FAM210A: variants seen among roughly 807,000 people sequenced by gnomAD.
FAM210A encodes the protein family with sequence similarity 210 member A.
In FAM210A, 13 loss-of-function variants were observed where a neutral mutation model predicts 25.3. The ratio of observed to expected loss-of-function variants is 0.51; its 90% CI spans 0.33 to 0.82. FAM210A has a LOEUF of 0.82. Ranked by LOEUF, FAM210A falls within the 40% of genes least tolerant of loss-of-function variation. The probability of loss-of-function intolerance (pLI) is 0.02; values close to 1 mark genes in which losing one functional copy is unlikely to be tolerated. For synonymous variants in FAM210A, 125 were observed against 118.7 expected (o/e 1.05, Z -0.35); for missense variants, 319 against 323.2 (o/e 0.99, Z 0.10).
intron 2 of FAM210A, among the ~76,000 whole-genome samples, chr18:13,680,557 A>G (rs2043544163): frequency 6.6e-6 from 1 of 152,238 alleles, no homozygotes; most frequent in South Asian, 2.1e-4. Flanking sequence ...CTATTCCATC[A>G]TCCTGGAAGA....
At chr18:13,685,642 T>A (rs1247167356) in intron 1 of FAM210A, among the ~76,000 whole-genome samples, 2 of 152,184 alleles carry the variant, frequency 1.3e-5, no homozygotes, top group East Asian at 3.8e-4. Flanking sequence ...TTGTCCTGCT[T>A]TTCTAGGTGG....
intron 1 of FAM210A, among the ~76,000 whole-genome samples, chr18:13,689,735 T>C (rs2043626871): frequency 6.6e-6 from 1 of 152,216 alleles, no homozygotes; most frequent in Non-Finnish European, 1.5e-5. Flanking sequence ...TTGCATATGA[T>C]ATGATTGTTT....
chr18:13,709,240 C>T (rs1177617139), intron 1 of FAM210A, among the ~76,000 whole-genome samples: 1 of 152,160 alleles, frequency 6.6e-6, no homozygotes, highest in Non-Finnish European at 1.5e-5. Flanking sequence ...TGAGTAACAG[C>T]CGAAGTCCTT....
At chr18:13,715,234 G>C (rs1725330929) in intron 1 of FAM210A, 1 of 152,108 alleles carries the variant, frequency 6.6e-6, no homozygotes. Context: ...AGGCACTCTG[G>C]TGGTCCTCTG....
intron 1 of FAM210A, among the ~76,000 whole-genome samples, chr18:13,722,810 C>T (rs374173028): frequency 9.2e-5 from 14 of 151,356 alleles, no homozygotes; most frequent in South Asian, 2.1e-4. Context: ...GAGCTTCAAT[C>T]GGGAATTTGA....
intron 1 of FAM210A, among the ~76,000 whole-genome samples, chr18:13,705,836 A>C (rs1374563351): frequency 6.6e-6 from 1 of 152,232 alleles, no homozygotes; most frequent in Admixed American, 6.5e-5. Flanking sequence ...AGACCATGAA[A>C]GCTTCAGGTA....
chr18:13,671,710 T>G, intron 3 of FAM210A, 152 bp downstream of exon 3: 1 of 347,272 alleles, frequency 2.9e-6, no homozygotes, highest in East Asian at 4.7e-5. Flanking sequence ...AAAAAAAAAA[T>G]TATCTTACAT....
At chr18:13,720,317 C>CAGTT (rs1291473731) in intron 1 of FAM210A, among the ~76,000 whole-genome samples, 1 of 152,164 alleles carries the variant, frequency 6.6e-6, no homozygotes, top group Admixed American at 6.5e-5. Flanking sequence ...GCACAGCAGC[C>CAGTT]TGTACCTGTT....
At chr18:13,689,138 C>T (rs1282334436) in intron 1 of FAM210A, among the ~76,000 whole-genome samples, 2 of 152,200 alleles carry the variant, frequency 1.3e-5, no homozygotes, top group Non-Finnish European at 1.5e-5. Context: ...AGAGGTTCAC[C>T]TTATCTTGTG....
At chr18:13,683,714 C>T (rs946128266) in intron 1 of FAM210A, among the ~76,000 whole-genome samples, 3 of 152,108 alleles carry the variant, frequency 2.0e-5, no homozygotes, top group Non-Finnish European at 4.4e-5. Flanking sequence ...TGGTACCACA[C>T]ATGCCTTCCC....
At chr18:13,682,840 G>C (rs1383382701) in intron 1 of FAM210A, among the ~76,000 whole-genome samples, 1 of 152,178 alleles carries the variant, frequency 6.6e-6, no homozygotes, top group African/African-American at 2.4e-5. Flanking sequence ...CTGTACTCCA[G>C]CCTGGGGGAC....
At chr18:13,702,634 T>C (rs1172882344) in intron 1 of FAM210A, among the ~76,000 whole-genome samples, 2 of 152,222 alleles carry the variant, frequency 1.3e-5, no homozygotes, top group Non-Finnish European at 2.9e-5. Context: ...TAAAAGCCTT[T>C]GCAAGCTCAA....
chr18:13,725,879 G>T (rs1217236819), intron 1 of FAM210A, among the ~76,000 whole-genome samples: 1 of 152,174 alleles, frequency 6.6e-6, no homozygotes, highest in Non-Finnish European at 1.5e-5. Context: ...CCTTTTCTCA[G>T]AATCTAACAG....
rs181824815 is a variant in FAM210A at position 13,709,815 on chromosome 18, A to T, written c.-29+16514T>A. Among the ~76,000 whole-genome samples the T allele has an allele frequency of 1.7e-4, 26 of 152,294 alleles. No individual in the cohort carries two copies. In the East Asian group the frequency reaches 4.6e-3, roughly 27 times the overall value. ...CTATTCCCTCCTCCCTTTGAAAGTG[A>T]ACCCAAGTTATTGACCCCATTTTCC... On this transcript the variant is annotated intron_variant, in intron 1 of 3. Transcript: ENST00000651643.
At chr18:13,675,901 A>T (rs369483052) in intron 2 of FAM210A, among the ~76,000 whole-genome samples, 3 of 79,596 alleles carry the variant, frequency 3.8e-5, no homozygotes, top group Non-Finnish European at 7.8e-5. Context: ...CTTTATTTCC[A>T]GTTTCCTGAT....
At chr18:13,693,479 G>A (rs1201249906) in intron 1 of FAM210A, among the ~76,000 whole-genome samples, 2 of 152,150 alleles carry the variant, frequency 1.3e-5, no homozygotes, top group South Asian at 4.1e-4. Flanking sequence ...GATGAACATC[G>A]ATGGAAAAGT....
At chr18:13,678,346 T>C (rs2043521894) in intron 2 of FAM210A, among the ~76,000 whole-genome samples, 1 of 151,596 alleles carries the variant, frequency 6.6e-6, no homozygotes, top group East Asian at 1.9e-4. Context: ...TCTCGGCTCA[T>C]GGCAACCTCT....
At chr18:13,712,622 C>T (rs928650341) in intron 1 of FAM210A, among the ~76,000 whole-genome samples, 1 of 152,060 alleles carries the variant, frequency 6.6e-6, no homozygotes, top group Admixed American at 6.6e-5. Flanking sequence ...CTCTATCATG[C>T]GAGGTTACAG....
chr18:13,681,482 C>CA, intron 2 of FAM210A, 123 bp downstream of exon 2: 1 of 787,264 alleles, frequency 1.3e-6, no homozygotes, highest in East Asian at 2.8e-5. Context: ...TGTGAAAAAA[C>CA]AGTTATCCTC....
Sources: allele counts gnomAD v4.1 joint callset (sites outside exome capture counted in the v4.1 genomes callset), GRCh38; gene constraint gnomAD v4.1.1; transcripts MANE v1.5; gene names NCBI Gene and HGNC (gene_info 2026-07-23, HGNC 2026-07-21).